GSAP: variants seen among roughly 807,000 people sequenced by gnomAD.
GSAP encodes gamma-secretase activating protein.
Under a neutral mutation model 131.7 loss-of-function variants are expected in GSAP, and 118 were observed. The observed-to-expected ratio is 0.90, with a 90% confidence interval of 0.77 to 1.04. The LOEUF is 1.04. Among genes scored for constraint, GSAP ranks in the 50% least tolerant of loss-of-function variants. GSAP has a pLI of 0.00. For synonymous variants in GSAP, 381 were observed against 363.4 expected (o/e 1.05, Z -0.55); for missense variants, 1,019 against 1,013.2 (o/e 1.01, Z -0.08).
chr7:77,350,573 A>AG (rs1491529229), intron 18 of GSAP, among the ~76,000 whole-genome samples: 5 of 28,078 alleles, frequency 1.8e-4, no homozygotes, highest in African/African-American at 1.1e-3. Context: ...CCGCTCTACT[A>AG]AAAAAAAAAA....
In GSAP at chr7:77,415,875, G is replaced by T. The variant is rs557500749; in HGVS notation, c.109+338C>A. The T allele has an allele frequency of 4.9e-5, 12 of 245,406 alleles. No homozygotes were observed. The East Asian group carries it at 9.1e-4, about 19-fold the overall frequency. 15.2% of individuals were successfully genotyped at this position (245,406 alleles called of 1,614,324 possible). A position where few individuals can be genotyped will look rare whatever the true frequency, so the allele number is the denominator to read the frequency against. ...CCCCGGGAGGTGGGATGCGGCCGCT[G>T]AGCTGAGCACGACCCTCTGCCCTCG... On this transcript the variant is annotated intron_variant, in intron 1 of 30. Transcript: ENST00000257626.
intron 2 of GSAP, among the ~76,000 whole-genome samples, chr7:77,405,277 G>A (rs1390616626): frequency 6.6e-6 from 1 of 152,190 alleles, no homozygotes; most frequent in Admixed American, 6.5e-5. Context: ...CCCAGCCTGG[G>A]TGACAGGGCA....
At chr7:77,406,895 G>A (rs778817850) in intron 1 of GSAP, among the ~76,000 whole-genome samples, 5 of 152,206 alleles carry the variant, frequency 3.3e-5, no homozygotes, top group African/African-American at 2.4e-5. Flanking sequence ...CCCTCTCCCC[G>A]CTGCTAAGGC....
chr7:77,355,358 C>A lies in GSAP; in HGVS notation c.1193G>T (p.Cys398Phe), dbSNP rs945843990. The stretch of plus-strand genomic sequence containing the variant: ...TGCTCTATAGAGCTTTCCAGAACAA[C>A]AATCCAATACCAGGGACCCTGACAA... ...QSLSGSLVLDCCSGKLYRALL... is the reference protein window; with the variant it reads ...QSLSGSLVLDFCSGKLYRALL... Residue 398 changes from cysteine to phenylalanine, a missense_variant, in exon 16 of 31, where the codon TGT (cysteine) becomes TTT (phenylalanine). Transcript: ENST00000257626. 12 of 1,611,340 alleles carry A rather than the reference C, an allele frequency of 7.4e-6. No homozygotes were observed. Among genetic ancestry groups the A allele is most frequent in the Middle Eastern group, 3.3e-4 (2 of 6,058 alleles).
chr7:77,369,753 C>T (rs921109061), intron 12 of GSAP, among the ~76,000 whole-genome samples: 3 of 151,940 alleles, frequency 2.0e-5, no homozygotes, highest in Non-Finnish European at 4.4e-5. Context: ...TCCTATTTTG[C>T]TGGAATAGAT....
chr7:77,386,656 C>A (rs1056571459), intron 6 of GSAP, among the ~76,000 whole-genome samples: 1 of 152,108 alleles, frequency 6.6e-6, no homozygotes, highest in Non-Finnish European at 1.5e-5. Flanking sequence ...GGTGCCTCAG[C>A]GCTATTCCTG....
chr7:77,347,676 CAAT>C (rs1792116532), intron 19 of GSAP, among the ~76,000 whole-genome samples: 1 of 152,014 alleles, frequency 6.6e-6, no homozygotes, highest in Non-Finnish European at 1.5e-5. Flanking sequence ...AAAATGTTTA[CAAT>C]AACATAATTT....
chr7:77,410,776 T>C (rs1803120862), intron 1 of GSAP, among the ~76,000 whole-genome samples: 1 of 152,214 alleles, frequency 6.6e-6, no homozygotes, highest in Non-Finnish European at 1.5e-5. Context: ...AAAGTATTTG[T>C]CTTTCCAATG....
intron 26 of GSAP, 49 bp from the exon 27 acceptor site, chr7:77,314,538 C>T (rs1161974612): frequency 3.7e-6 from 6 of 1,608,762 alleles, no homozygotes; most frequent in Non-Finnish European, 5.1e-6. Flanking sequence ...ACATCTCCAG[C>T]AGCCCCCGGG....
chr7:77,381,154 T>C (rs1797737167), intron 8 of GSAP, 151 bp downstream of exon 8: 2 of 441,856 alleles, frequency 4.5e-6, no homozygotes, highest in Non-Finnish European at 8.0e-6. Context: ...ATTTGTATCA[T>C]TTCACACATT....
chr7:77,383,509 G>A (rs532679516), intron 6 of GSAP, among the ~76,000 whole-genome samples: 2 of 152,242 alleles, frequency 1.3e-5, no homozygotes, highest in South Asian at 4.2e-4. Context: ...CATGAGTTGA[G>A]AATTTACAAG....
intron 19 of GSAP, among the ~76,000 whole-genome samples, chr7:77,334,491 G>A (rs540507993): frequency 1.5e-4 from 22 of 150,366 alleles, no homozygotes; most frequent in African/African-American, 4.9e-4. Context: ...CTAGGTGATG[G>A]GTTGAGAGGT....
chr7:77,312,254 A>G (rs766593278), intron 28 of GSAP, 52 bp from the exon 29 acceptor site: 5 of 825,464 alleles, frequency 6.1e-6, no homozygotes, highest in African/African-American at 5.1e-5. Flanking sequence ...TATATTAAGT[A>G]AACACACCTT....
In GSAP at chr7:77,362,674, G is replaced by C. The variant is rs766470969; in HGVS notation, c.872-14C>G. 6.8e-7 allele frequency: 1 copy of C among 1,464,580 alleles called. No homozygotes were observed. Among genetic ancestry groups the C allele is most frequent in the Non-Finnish European group, 9.6e-7 (1 of 1,045,588 alleles). 90.7% of individuals were successfully genotyped at this position (1,464,580 alleles called of 1,614,324 possible). A position where few individuals can be genotyped will look rare whatever the true frequency, so the allele number is the denominator to read the frequency against. ...CACACAAACTTCCTAGAAGAAAAAG[G>C]ATATTTAGTAGAGTTTAACAGAATC... is the stretch of plus-strand genomic sequence containing the variant. On this transcript the variant is annotated splice_polypyrimidine_tract_variant and intron_variant, in intron 12 of 30. Coordinates refer to ENST00000257626, the MANE Select transcript of GSAP (RefSeq NM_017439.4).
chr7:77,360,848 T>C lies in GSAP; in HGVS notation c.1003A>G (p.Lys335Glu). Reference protein sequence around the residue: ...SLENVGSHMTKGITFLNLDYY... With the variant: ...SLENVGSHMTEGITFLNLDYY... ...CCAAGGTTGAGAAAAGTAATGCCCT[T>C]TGTCATGTGTGACCCAACATTCTCA... The change falls in exon 14 of 31, where the codon AAG becomes GAG. Residue 335 changes from lysine to glutamate, a missense_variant. Physicochemically the swap from Lys to Glu is moderately conservative, Grantham distance 56. Coordinates refer to ENST00000257626, the MANE Select transcript of GSAP (RefSeq NM_017439.4). The C allele has an allele frequency of 6.3e-7, 1 of 1,598,808 alleles. No individual in the cohort carries two copies. The highest frequency in any genetic ancestry group is 1.1e-5 in the South Asian group (1 of 90,746).
At chr7:77,413,483 A>G (rs185891786) in intron 1 of GSAP, among the ~76,000 whole-genome samples, 47 of 152,346 alleles carry the variant, frequency 3.1e-4, no homozygotes, top group African/African-American at 1.1e-3. Context: ...GTGCATCTCC[A>G]TGTCCACCAT....
chr7:77,319,227 A>C (rs544756303), intron 26 of GSAP, among the ~76,000 whole-genome samples: 6 of 152,214 alleles, frequency 3.9e-5, no homozygotes, highest in Non-Finnish European at 7.3e-5. Flanking sequence ...AGATTAAAAA[A>C]TGGGCAAGGG....
intron 8 of GSAP, chr7:77,379,863 T>C: frequency 1.0e-6 from 1 of 984,986 alleles, no homozygotes; most frequent in Non-Finnish European, 1.2e-6. Context: ...CTGGCAATTT[T>C]CCAGCCAGGC....
At chr7:77,334,289 T>C (rs1007443530) in intron 19 of GSAP, among the ~76,000 whole-genome samples, 9 of 151,954 alleles carry the variant, frequency 5.9e-5, no homozygotes, top group African/African-American at 1.9e-4. Flanking sequence ...CAGATGGAGC[T>C]GGGAGCCATT....
Sources: allele counts gnomAD v4.1 joint callset (sites outside exome capture counted in the v4.1 genomes callset), GRCh38; gene constraint gnomAD v4.1.1; transcripts MANE v1.5; gene names NCBI Gene and HGNC (gene_info 2026-07-23, HGNC 2026-07-21).